Variants in GPR158 observed in about 807,000 individuals in gnomAD.
GPR158 encodes the protein G protein-coupled receptor 158.
GPR158 carries 30 observed loss-of-function variants against 78.2 expected under a neutral mutation model. The ratio of observed to expected loss-of-function variants is 0.38; its 90% confidence interval spans 0.29 to 0.52. The LOEUF (loss-of-function observed/expected upper bound fraction) is 0.52. Ranked by LOEUF, GPR158 falls within the 20% of genes least tolerant of loss-of-function variation. The pLI, the probability that GPR158 is intolerant of heterozygous loss-of-function variation, is 0.83. For missense variants in GPR158, 1,463 were observed against 1,523.5 expected (o/e 0.96, Z 0.66); for synonymous variants, 581 against 591.1 (o/e 0.98, Z 0.25).
intron 5 of GPR158, among the ~76,000 whole-genome samples, chr10:25,535,679 C>T (rs1836489387): frequency 6.6e-6 from 1 of 152,138 alleles, no homozygotes; most frequent in African/African-American, 2.4e-5. Context: ...TTGTTATATA[C>T]AAGTAGATAA....
intron 5 of GPR158, among the ~76,000 whole-genome samples, chr10:25,470,751 T>C (rs1295956942): frequency 6.6e-6 from 1 of 152,166 alleles, no homozygotes; most frequent in Non-Finnish European, 1.5e-5. Context: ...AGGGCAGATA[T>C]TTAACCAAAG....
intron 6 of GPR158, among the ~76,000 whole-genome samples, chr10:25,562,136 T>C (rs1457670402): frequency 6.6e-6 from 1 of 152,046 alleles, no homozygotes; most frequent in African/African-American, 2.4e-5. Context: ...TCTTTTTATT[T>C]ACATAAAGTC....
At chr10:25,544,757 G>A (rs1981118) in intron 5 of GPR158, among the ~76,000 whole-genome samples, 3,582 of 152,126 alleles carry the variant, frequency 0.024, 115 homozygotes, top group African/African-American at 0.075. Flanking sequence ...TGTGAAGAAC[G>A]TGCAGGTTTG....
chr10:25,256,868 G>C (rs1002291038), intron 2 of GPR158, among the ~76,000 whole-genome samples: 3 of 152,010 alleles, frequency 2.0e-5, no homozygotes, highest in African/African-American at 7.3e-5. Context: ...AAGTATTCTA[G>C]CAGAATAAAC....
At chr10:25,434,103 A>G (rs528075567) in intron 4 of GPR158, among the ~76,000 whole-genome samples, 1 of 152,256 alleles carries the variant, frequency 6.6e-6, no homozygotes, top group East Asian at 1.9e-4. Flanking sequence ...TGGAGCTTGC[A>G]GTGAGCCGAG....
At chr10:25,459,777 A>G (rs1351396161) in intron 4 of GPR158, among the ~76,000 whole-genome samples, 3 of 152,190 alleles carry the variant, frequency 2.0e-5, no homozygotes, top group Non-Finnish European at 4.4e-5. Context: ...CCAAACATGG[A>G]ATTTAGAAAT....
chr10:25,485,222 G>A (rs1158217533), intron 5 of GPR158, among the ~76,000 whole-genome samples: 1 of 151,850 alleles, frequency 6.6e-6, no homozygotes, highest in Admixed American at 6.6e-5. Context: ...ACTGAAAATG[G>A]TTGCAAGTAT....
At chr10:25,242,097 C>T (rs1183137575) in intron 2 of GPR158, among the ~76,000 whole-genome samples, 1 of 152,184 alleles carries the variant, frequency 6.6e-6, no homozygotes, top group Non-Finnish European at 1.5e-5. Flanking sequence ...CTCTCAGTAG[C>T]CACGTGGTTT....
At chr10:25,578,886 G>A (rs773520336) in intron 7 of GPR158, among the ~76,000 whole-genome samples, 10 of 152,198 alleles carry the variant, frequency 6.6e-5, no homozygotes, top group Admixed American at 2.0e-4. Context: ...GCGGGCGCCT[G>A]TAATCCCAGC....
At chr10:25,575,163 A>G (rs1837073437) in intron 7 of GPR158, among the ~76,000 whole-genome samples, 1 of 152,128 alleles carries the variant, frequency 6.6e-6, no homozygotes, top group South Asian at 2.1e-4. Context: ...GATGGAATAC[A>G]TTGTGAGTAA....
chr10:25,263,217 G>T (rs568387559), intron 2 of GPR158, among the ~76,000 whole-genome samples: 1 of 152,300 alleles, frequency 6.6e-6, no homozygotes, highest in Non-Finnish European at 1.5e-5. Flanking sequence ...TATGAAAAGT[G>T]TGAAGTCTGT....
intron 2 of GPR158, among the ~76,000 whole-genome samples, chr10:25,253,228 A>G (rs1030401531): frequency 8.5e-5 from 13 of 152,304 alleles, no homozygotes; most frequent in South Asian, 4.1e-4. Context: ...CTCCCTAGTG[A>G]GATGAACCCG....
intron 5 of GPR158, among the ~76,000 whole-genome samples, chr10:25,485,668 CT>C (rs1295932921): frequency 4.6e-5 from 7 of 152,108 alleles, no homozygotes; most frequent in Admixed American, 2.0e-4. Flanking sequence ...GAAAATATCA[CT>C]ATTGACAAAT....
At chr10:25,461,580 G>A (rs1017014028) in intron 4 of GPR158, among the ~76,000 whole-genome samples, 9 of 152,290 alleles carry the variant, frequency 5.9e-5, no homozygotes, top group Admixed American at 3.9e-4. Flanking sequence ...ACATAAAAGT[G>A]TAAAGTGAAG....
intron 4 of GPR158, among the ~76,000 whole-genome samples, chr10:25,427,680 T>C (rs1246456753): frequency 6.6e-6 from 1 of 152,098 alleles, no homozygotes; most frequent in Non-Finnish European, 1.5e-5. Flanking sequence ...TTGCATTCTT[T>C]AGTATTTTAT....
intron 2 of GPR158, among the ~76,000 whole-genome samples, chr10:25,240,123 A>C (rs1249977686): frequency 6.6e-6 from 1 of 152,232 alleles, no homozygotes; most frequent in African/African-American, 2.4e-5. Flanking sequence ...AAGTCATGAT[A>C]GGTCATCCTA....
intron 2 of GPR158, among the ~76,000 whole-genome samples, chr10:25,283,947 G>A (rs141470584): frequency 1.5e-3 from 224 of 151,878 alleles, no homozygotes; most frequent in Middle Eastern, 3.4e-3. Context: ...GTTATTGATC[G>A]CTAGTTGAAC....
At chr10:25,461,610 A>G (rs1415487942) in intron 4 of GPR158, among the ~76,000 whole-genome samples, 1 of 152,214 alleles carries the variant, frequency 6.6e-6, no homozygotes, top group Non-Finnish European at 1.5e-5. Flanking sequence ...CTGATGGAGA[A>G]GCTGCAGCAC....
At chr10:25,516,986 A>G (rs1230410580) in intron 5 of GPR158, among the ~76,000 whole-genome samples, 1 of 149,800 alleles carries the variant, frequency 6.7e-6, no homozygotes, top group East Asian at 1.9e-4. Flanking sequence ...CACGATATTG[A>G]TTCTTCCTAC....
Sources: allele counts gnomAD v4.1 joint callset (sites outside exome capture counted in the v4.1 genomes callset), GRCh38; gene constraint gnomAD v4.1.1; transcripts MANE v1.5; gene names NCBI Gene and HGNC (gene_info 2026-07-23, HGNC 2026-07-21).